Variants in NPAS3 observed in about 807,000 individuals in gnomAD.
NPAS3 encodes the protein neuronal PAS domain protein 3.
A neutral mutation model predicts 73.1 loss-of-function variants in NPAS3; 14 were observed. The observed-to-expected ratio is 0.19, with a 90% CI of 0.13 to 0.30. The LOEUF (loss-of-function observed/expected upper bound fraction) is 0.30. NPAS3 is among the 10% of genes least tolerant of loss of function. The pLI, the probability that NPAS3 is intolerant of heterozygous loss-of-function variation, is 1.00. For missense variants in NPAS3, 1,096 were observed against 1,250.0 expected (o/e 0.88, Z 1.86); for synonymous variants, 620 against 541.5 (o/e 1.14, Z -2.01).
rs146824561 is a variant in NPAS3, at chr14:33,005,515, C to T, written c.51-50390C>T. 3.9e-5 allele frequency among the ~76,000 whole-genome samples: 6 copies of T among 152,198 alleles called. 1 individual carries two copies. Among genetic ancestry groups the T allele is most frequent in the African/African-American group, 1.2e-4 (5 of 41,538 alleles). ...GAGAGGTGGGCTTGAGAGTTGGGTC[C>T]CCAGCCCCTGAGATAGCTGGAACCC... On this transcript the variant is annotated intron_variant, in intron 1 of 11. Transcript: ENST00000356141.
At chr14:33,661,775 C>G (rs545679140) in intron 5 of NPAS3, among the ~76,000 whole-genome samples, 1 of 152,164 alleles carries the variant, frequency 6.6e-6, no homozygotes, top group Non-Finnish European at 1.5e-5. Flanking sequence ...AGATTTCAAA[C>G]AGATTTTAAA....
chr14:33,245,773 A>G (rs2048352992), intron 3 of NPAS3, among the ~76,000 whole-genome samples: 1 of 152,178 alleles, frequency 6.6e-6, no homozygotes, highest in Non-Finnish European at 1.5e-5. Context: ...TTGTCTGTCA[A>G]ACATTTCCTG....
intron 3 of NPAS3, among the ~76,000 whole-genome samples, chr14:33,239,950 C>A (rs1043987125): frequency 6.6e-6 from 1 of 151,698 alleles, no homozygotes; most frequent in Non-Finnish European, 1.5e-5. Context: ...AGGAGTAGAA[C>A]CCCTCAAATG....
chr14:33,130,962 C>G (rs76572640), intron 2 of NPAS3, among the ~76,000 whole-genome samples: 2,811 of 152,190 alleles, frequency 0.018, 45 homozygotes, highest in Middle Eastern at 0.041. Flanking sequence ...CAACGGAAGC[C>G]TCAGAGATGG....
Position 33,050,539 on chromosome 14 carries a change from T to G in NPAS3, c.51-5366T>G, listed in dbSNP as rs541093126. Among the ~76,000 whole-genome samples, 25 of 152,336 alleles carry G rather than the reference T, an allele frequency of 1.6e-4. No homozygotes were observed. The South Asian group carries it at 5.2e-3, about 32-fold the overall frequency. ...CCTTCTAAAGGGGAGGGCCTAGAAC[T>G]TAACACATTATTGCTAATGACAGAA... On this transcript the variant is annotated intron_variant, in intron 1 of 11. Coordinates refer to ENST00000356141, the Ensembl canonical transcript of NPAS3.
chr14:33,247,159 A>G (rs889195082), intron 3 of NPAS3, among the ~76,000 whole-genome samples: 2 of 144,788 alleles, frequency 1.4e-5, no homozygotes, highest in African/African-American at 5.0e-5. Flanking sequence ...TTTAATGTAC[A>G]TTCTATCTTA....
At chr14:33,684,373 A>G (rs1373245916) in intron 6 of NPAS3, among the ~76,000 whole-genome samples, 4 of 151,898 alleles carry the variant, frequency 2.6e-5, no homozygotes, top group African/African-American at 9.7e-5. Flanking sequence ...GTGCAGTGGC[A>G]CAATCTCGGC....
intron 5 of NPAS3, among the ~76,000 whole-genome samples, chr14:33,624,184 A>G (rs1221816248): frequency 6.6e-6 from 1 of 152,096 alleles, no homozygotes; most frequent in African/African-American, 2.4e-5. Context: ...TCTGTCTTAC[A>G]CTCTCCTGGG....
At chr14:33,358,317 T>C (rs1045011275) in intron 3 of NPAS3, among the ~76,000 whole-genome samples, 1 of 152,190 alleles carries the variant, frequency 6.6e-6, no homozygotes, top group Admixed American at 6.5e-5. Flanking sequence ...GTTGTAACTA[T>C]GTGACTGTTA....
intron 4 of NPAS3, among the ~76,000 whole-genome samples, chr14:33,486,766 G>A (rs2051622228): frequency 6.6e-6 from 1 of 152,164 alleles, no homozygotes; most frequent in Non-Finnish European, 1.5e-5. Context: ...GGGGACTCCT[G>A]CTTTTAGAAT....
At chr14:33,237,146 T>C (rs1051796729) in intron 3 of NPAS3, among the ~76,000 whole-genome samples, 9 of 152,134 alleles carry the variant, frequency 5.9e-5, no homozygotes, top group African/African-American at 2.2e-4. Flanking sequence ...CATAGGTATG[T>C]GTTCATTGAA....
At chr14:33,120,874 G>A (rs984269735) in intron 2 of NPAS3, among the ~76,000 whole-genome samples, 3 of 152,028 alleles carry the variant, frequency 2.0e-5, no homozygotes, top group East Asian at 1.9e-4. Flanking sequence ...GTAGCAGGAC[G>A]CCTTAGCACT....
chr14:33,151,917 T>A (rs1290176319), intron 2 of NPAS3, among the ~76,000 whole-genome samples: 2 of 152,188 alleles, frequency 1.3e-5, no homozygotes, highest in African/African-American at 2.4e-5. Context: ...ACTGAGCGTA[T>A]ACAAGCATGT....
chr14:33,594,504 A>G (rs1172787188), intron 5 of NPAS3, among the ~76,000 whole-genome samples: 1 of 152,198 alleles, frequency 6.6e-6, no homozygotes, highest in Non-Finnish European at 1.5e-5. Context: ...AAATGATGAA[A>G]GAGTCCTGTG....
At chr14:33,559,383 C>G (rs1279738566) in intron 4 of NPAS3, among the ~76,000 whole-genome samples, 1 of 152,264 alleles carries the variant, frequency 6.6e-6, no homozygotes, top group East Asian at 1.9e-4. Context: ...TGTTGATGTT[C>G]ATAGTAGTGC....
chr14:33,793,878 T>C lies in NPAS3; in HGVS notation c.1154-19T>C. Reference sequence around the variant, plus strand: ...TCCCAGTCTTAATACAATGCCTCTGTTTTGTTTTTTTTCGCCAGTGCTGAA... The same window carrying C: ...TCCCAGTCTTAATACAATGCCTCTGCTTTGTTTTTTTTCGCCAGTGCTGAA... On this transcript the variant is annotated intron_variant, in intron 9 of 11. Coordinates refer to ENST00000356141, the Ensembl canonical transcript of NPAS3. The C allele has an allele frequency of 1.2e-6, 2 of 1,603,362 alleles. No individual in the cohort carries two copies. The highest frequency in any genetic ancestry group is 1.7e-6 in the Non-Finnish European group (2 of 1,175,606).
intron 5 of NPAS3, among the ~76,000 whole-genome samples, chr14:33,650,731 A>C (rs952895642): frequency 6.8e-6 from 1 of 147,850 alleles, no homozygotes; most frequent in Non-Finnish European, 1.5e-5. Flanking sequence ...TAAGATGGAG[A>C]AAATCTTTTC....
In NPAS3 at chr14:33,637,372, A is replaced by G. The variant is rs543958074; in HGVS notation, c.559-38839A>G. The stretch of plus-strand genomic sequence containing the variant: ...TTTGCTGGATTCAGCTTGTATATTT[A>G]GAAAGTATATATGAATTTTGACCTA... On this transcript the variant is annotated intron_variant, in intron 5 of 11. Coordinates refer to ENST00000356141, the Ensembl canonical transcript of NPAS3. Among the ~76,000 whole-genome samples the G allele has an allele frequency of 2.2e-4, 33 of 152,348 alleles. No individual in the cohort carries two copies. In the South Asian group the frequency reaches 3.1e-3, roughly 14 times the overall value.
In NPAS3 at chr14:33,769,756, C is replaced by CTTTTTTTTTTTTTTTTTTTTTTTTTTTT. The variant is rs916953785; in HGVS notation, c.853-4555_853-4554insTTTTTTTTTTTTTTTTTTTTTTTTTTTT. On this transcript the variant is annotated intron_variant, in intron 7 of 11. Transcript: ENST00000356141. ...CCTGAAAGACTTGGATTTTTTTTTTCTTTTTTTTTTTTTTTTTTTTTTTTT... is the reference window on the plus strand; with the variant it reads ...CCTGAAAGACTTGGATTTTTTTTTTCTTTTTTTTTTTTTTTTTTTTTTTTTTTTTTTTTTTTTTTTTTTTTTTTTTTTT... Among the ~76,000 whole-genome samples, 2 of 81,854 alleles carry CTTTTTTTTTTTTTTTTTTTTTTTTTTTT rather than the reference C, an allele frequency of 2.4e-5. 1 individual carries two copies. Among genetic ancestry groups the CTTTTTTTTTTTTTTTTTTTTTTTTTTTT allele is most frequent in the Non-Finnish European group, 4.4e-5 (2 of 44,982 alleles). The allele number at this position is 81,854 out of a possible 152,430, so 53.7% of individuals were successfully genotyped here.
Sources: allele counts gnomAD v4.1 joint callset (sites outside exome capture counted in the v4.1 genomes callset), GRCh38; gene constraint gnomAD v4.1.1; transcripts MANE v1.5; gene names NCBI Gene and HGNC (gene_info 2026-07-23, HGNC 2026-07-21).